S100A13: variants seen among roughly 807,000 people sequenced by gnomAD.
The protein encoded by S100A13 is protein S100-A13.
A neutral mutation model predicts 8.2 loss-of-function variants in S100A13; 6 were observed. The ratio of observed to expected loss-of-function variants is 0.73; its 90% CI spans 0.40 to 1.44. The LOEUF (loss-of-function observed/expected upper bound fraction) is 1.44, where lower values mean the gene tolerates loss of function less well. Among genes scored for constraint, S100A13 ranks in the 40% most tolerant of loss-of-function variants. The pLI, the probability that S100A13 is intolerant of heterozygous loss-of-function variation, is 0.02. For missense variants in S100A13, 114 were observed against 113.6 expected (o/e 1.00, Z -0.02); for synonymous variants, 39 against 45.9 (o/e 0.85, Z 0.61).
intron 2 of S100A13, among the ~76,000 whole-genome samples, chr1:153,625,893 C>T (rs1667584278): frequency 6.6e-6 from 1 of 152,234 alleles, no homozygotes; most frequent in South Asian, 2.1e-4. Flanking sequence ...CCGGGTCAGG[C>T]GCAGTGGCTT....
upstream of S100A13, chr1:153,633,959 T>C (rs1316540796): frequency 6.6e-6 from 1 of 152,224 alleles, no homozygotes; most frequent in Non-Finnish European, 1.5e-5. Context: ...GCCTCTGACC[T>C]CTGCGCAGGC....
In S100A13 at chr1:153,621,773, G is replaced by A. The variant is rs550711219; in HGVS notation, c.154-2735C>T. On this transcript the variant is annotated intron_variant, in intron 2 of 2. Coordinates refer to ENST00000476133, the MANE Select transcript of S100A13 (RefSeq NM_001024211.2). ...CATGGTGATGCACGGTTCAAGAATCGCTCGAACCCAAGAGGTGGAGGTTGC... is the reference window on the plus strand; with the variant it reads ...CATGGTGATGCACGGTTCAAGAATCACTCGAACCCAAGAGGTGGAGGTTGC... 3.2e-4 allele frequency among the ~76,000 whole-genome samples: 48 copies of A among 151,374 alleles called. 1 individual carries two copies. The highest frequency in any genetic ancestry group is 9.9e-4 in the African/African-American group (41 of 41,230).
upstream of S100A13, chr1:153,628,052 G>A (rs551727479): frequency 1.3e-6 from 2 of 1,550,378 alleles, no homozygotes; most frequent in East Asian, 2.4e-5. Context: ...TTCTCACTGA[G>A]GGTCCTCTCA....
At chr1:153,631,523 T>G (rs777614708), upstream of S100A13, 26 of 1,613,522 alleles carry the variant, frequency 1.6e-5, no homozygotes, top group Non-Finnish European at 2.0e-5. Context: ...TGAAAGAGCT[T>G]ATGCTGTAGG....
At chr1:153,632,503 C>T (rs1001587220), upstream of S100A13, among the ~76,000 whole-genome samples, 6 of 151,936 alleles carry the variant, frequency 3.9e-5, no homozygotes, top group African/African-American at 1.5e-4. Flanking sequence ...GATCTCCTGA[C>T]CTCGTGATCC....
upstream of S100A13, chr1:153,630,006 G>T (rs1265029466): frequency 6.2e-6 from 1 of 160,394 alleles, no homozygotes; most frequent in African/African-American, 2.4e-5. Context: ...GCTGACCGAG[G>T]GTACCAGACT....
intron 2 of S100A13, among the ~76,000 whole-genome samples, chr1:153,623,384 T>TC (rs1356878726): frequency 1.3e-5 from 2 of 150,610 alleles, no homozygotes; most frequent in Non-Finnish European, 3.0e-5. Flanking sequence ...TATTTTCGTT[T>TC]CCTTTTTTTT....
intron 2 of S100A13, among the ~76,000 whole-genome samples, chr1:153,622,799 A>G (rs1195314139): frequency 2.0e-5 from 3 of 152,258 alleles, no homozygotes; most frequent in Non-Finnish European, 4.4e-5. Context: ...AAATTAGACC[A>G]GAAAAGCACA....
At chr1:153,631,081 G>C (rs1667984936), upstream of S100A13, 2 of 298,414 alleles carry the variant, frequency 6.7e-6, no homozygotes, top group Admixed American at 9.4e-5. Context: ...AAGATTATCT[G>C]GGTAAATGCA....
At chr1:153,631,925 T>TC, upstream of S100A13, 3 of 1,537,200 alleles carry the variant, frequency 2.0e-6, no homozygotes, top group Non-Finnish European at 2.6e-6. Flanking sequence ...ACCCCACTTA[T>TC]CCCTCTCCAT....
intron 2 of S100A13, among the ~76,000 whole-genome samples, chr1:153,622,526 A>T (rs529912973): frequency 8.6e-5 from 13 of 151,870 alleles, no homozygotes; most frequent in Admixed American, 2.0e-4. Flanking sequence ...TCAATAAAGG[A>T]TTGGGCTGGG....
upstream of S100A13, chr1:153,628,209 C>T: frequency 6.5e-7 from 1 of 1,548,938 alleles, no homozygotes; most frequent in Non-Finnish European, 8.7e-7. Context: ...CTCCTTCCCA[C>T]CTCTTTCCCC....
chr1:153,626,583 G>T, intron 1 of S100A13, 50 bp from the exon 2 acceptor site: 1 of 1,116,296 alleles, frequency 9.0e-7, no homozygotes. Flanking sequence ...GCCCCAAGAT[G>T]CAGGAATGGT....
At chr1:153,625,933 C>T (rs1667587652) in intron 2 of S100A13, among the ~76,000 whole-genome samples, 3 of 152,196 alleles carry the variant, frequency 2.0e-5, no homozygotes, top group Non-Finnish European at 4.4e-5. Flanking sequence ...TTTGGGAGGC[C>T]GAGGCGGGTG....
chr1:153,621,164 T>C (rs1258811454), intron 2 of S100A13, among the ~76,000 whole-genome samples: 1 of 151,530 alleles, frequency 6.6e-6, no homozygotes, highest in Non-Finnish European at 1.5e-5. Context: ...ACAGGATTTT[T>C]TTTTTTTTTT....
At chr1:153,621,304 C>T (rs536517195) in intron 2 of S100A13, among the ~76,000 whole-genome samples, 6 of 151,778 alleles carry the variant, frequency 4.0e-5, no homozygotes, top group African/African-American at 1.4e-4. Context: ...TTATAGGCAC[C>T]CACCACCACG....
rs1667049489 is a variant in S100A13 at position 153,618,825 on chromosome 1, T to G, written c.*70A>C. 2.8e-6 allele frequency: 4 copies of G among 1,439,854 alleles called. No individual in the cohort carries two copies. The highest frequency in any genetic ancestry group is 3.8e-6 in the Non-Finnish European group (4 of 1,050,250). 89.2% of individuals were successfully genotyped at this position (1,439,854 alleles called of 1,614,324 possible). A position where few individuals can be genotyped will look rare whatever the true frequency, so the allele number is the denominator to read the frequency against. The stretch of plus-strand genomic sequence containing the variant: ...TTGTGTTTCAAGGAGGAAGCTTTAT[T>G]TGGGAAGAGTGCGGTTCTGCTCGGC... On this transcript the variant is annotated 3_prime_UTR_variant, in exon 3 of 3. Coordinates refer to ENST00000476133, the MANE Select transcript of S100A13 (RefSeq NM_001024211.2).
intron 2 of S100A13, among the ~76,000 whole-genome samples, chr1:153,624,404 C>T (rs372254429): frequency 2.0e-5 from 3 of 151,886 alleles, no homozygotes; most frequent in African/African-American, 4.8e-5. Flanking sequence ...CTGTAAGGAG[C>T]GCAATAAGAA....
At chr1:153,626,573 G>T in intron 1 of S100A13, 40 bp from the exon 2 acceptor site, 2 of 1,219,096 alleles carry the variant, frequency 1.6e-6, no homozygotes, top group Non-Finnish European at 2.3e-6. Flanking sequence ...GAGTCAGGGA[G>T]CCCCAAGATG....
Sources: allele counts gnomAD v4.1 joint callset (sites outside exome capture counted in the v4.1 genomes callset), GRCh38; gene constraint gnomAD v4.1.1; transcripts MANE v1.5; gene names NCBI Gene and HGNC (gene_info 2026-07-23, HGNC 2026-07-21).